GLIS3: variants seen among roughly 807,000 people sequenced by gnomAD.
GLIS3 encodes the protein zinc finger protein GLIS3.
Under a neutral mutation model 78.6 loss-of-function variants are expected in GLIS3, and 53 were observed. The ratio of observed to expected loss-of-function variants is 0.67; its 90% confidence interval spans 0.54 to 0.85. The LOEUF is 0.85. Ranked by LOEUF, GLIS3 falls within the 40% of genes least tolerant of loss-of-function variation. GLIS3 has a pLI of 0.00. For missense variants in GLIS3, 1,703 were observed against 1,231.1 expected (o/e 1.38, Z -5.74); for synonymous variants, 684 against 509.9 (o/e 1.34, Z -4.60).
chr9:4,409,414 A>G, the GLIS3 span, among the ~76,000 whole-genome samples: 1 of 152,118 alleles, frequency 6.6e-6, no homozygotes, highest in South Asian at 2.1e-4. Context: ...ATACTTAGAT[A>G]TATTATCTAA....
At chr9:4,012,765 C>CTTTTTTTTTTTTTTTTTTTTTTTTT (rs71324278) in intron 4 of GLIS3, among the ~76,000 whole-genome samples, 4 of 66,498 alleles carry the variant, frequency 6.0e-5, no homozygotes, top group Admixed American at 2.2e-4. Context: ...TTTTCTTTTT[C>CTTTTTTTTTTTTTTTTTTTTTTTTT]TTTTTTTTTT....
At chr9:4,469,224 C>T in the GLIS3 span, among the ~76,000 whole-genome samples, 1 of 152,098 alleles carries the variant, frequency 6.6e-6, no homozygotes, top group Admixed American at 6.6e-5. Context: ...TTAGACAGAT[C>T]AATGAGACAG....
chr9:3,897,133 A>G (rs1048173528), intron 7 of GLIS3, among the ~76,000 whole-genome samples: 8 of 152,208 alleles, frequency 5.3e-5, no homozygotes, highest in Non-Finnish European at 7.3e-5. Flanking sequence ...TTCCATAGAT[A>G]TGGATAGCAT....
the GLIS3 span, among the ~76,000 whole-genome samples, chr9:4,430,822 T>G: frequency 6.6e-6 from 1 of 152,180 alleles, no homozygotes; most frequent in South Asian, 2.1e-4. Context: ...TTGAGTCACT[T>G]CCAGCATGCC....
intron 2 of GLIS3, among the ~76,000 whole-genome samples, chr9:4,235,871 T>G (rs547286288): frequency 1.3e-5 from 2 of 152,306 alleles, no homozygotes; most frequent in East Asian, 1.9e-4. Context: ...AATCTCACTA[T>G]GCAGAAAGCA....
At chr9:4,408,499 C>T in the GLIS3 span, among the ~76,000 whole-genome samples, 4 of 150,958 alleles carry the variant, frequency 2.6e-5, no homozygotes, top group Non-Finnish European at 4.4e-5. Context: ...GAGGCTGAGG[C>T]GGGCGGATCA....
chr9:4,162,585 T>A (rs7045368), intron 2 of GLIS3, among the ~76,000 whole-genome samples: 5 of 151,914 alleles, frequency 3.3e-5, no homozygotes, highest in Admixed American at 6.5e-5. Context: ...ACTGGCCGGG[T>A]GCGGTGGCTC....
chr9:4,456,186 A>C, the GLIS3 span, among the ~76,000 whole-genome samples: 1 of 152,236 alleles, frequency 6.6e-6, no homozygotes, highest in Non-Finnish European at 1.5e-5. Context: ...AAAGCAATGC[A>C]CAAACTTTAA....
intron 8 of GLIS3, among the ~76,000 whole-genome samples, chr9:3,875,198 C>G (rs1370416671): frequency 6.6e-6 from 1 of 152,142 alleles, no homozygotes; most frequent in Non-Finnish European, 1.5e-5. Flanking sequence ...ATTCAACATG[C>G]CATAGTAAAA....
At chr9:4,085,780 C>G (rs954913009) in intron 4 of GLIS3, among the ~76,000 whole-genome samples, 7 of 152,156 alleles carry the variant, frequency 4.6e-5, no homozygotes, top group East Asian at 3.9e-4. Flanking sequence ...ACCCCACTCT[C>G]TCTCTTGCTC....
In GLIS3 at chr9:4,284,971, T is replaced by A. The variant is rs184220328; in HGVS notation, c.388+1067A>T. Among the ~76,000 whole-genome samples, 8 of 146,810 alleles carry A rather than the reference T, an allele frequency of 5.4e-5. No individual in the cohort carries two copies. In the South Asian group the frequency reaches 6.6e-4, roughly 12 times the overall value. The stretch of plus-strand genomic sequence containing the variant: ...TGTATGTTTAGTGCTATTTTTTTTT[T>A]AAACCTGCCCATTTATACCAATTTA... On this transcript the variant is annotated intron_variant, in intron 2 of 10. Transcript: ENST00000381971.
the GLIS3 span, among the ~76,000 whole-genome samples, chr9:4,390,005 C>T: frequency 6.6e-6 from 1 of 152,176 alleles, no homozygotes; most frequent in Admixed American, 6.5e-5. Flanking sequence ...TCTTTCATTC[C>T]ATCAACACTT....
chr9:4,069,657 T>C (rs2027394), intron 4 of GLIS3, among the ~76,000 whole-genome samples: 50,027 of 151,892 alleles, frequency 0.33, 8,391 homozygotes, highest in East Asian at 0.4. Flanking sequence ...AGAAGTGCCT[T>C]GAAATGAAAG....
At chr9:4,479,792 C>T in the GLIS3 span, among the ~76,000 whole-genome samples, 1 of 151,944 alleles carries the variant, frequency 6.6e-6, no homozygotes, top group Non-Finnish European at 1.5e-5. Context: ...CTTTTTCTAA[C>T]ATACACTCCT....
chr9:4,275,331 T>G (rs1291790786), intron 2 of GLIS3, among the ~76,000 whole-genome samples: 1 of 152,210 alleles, frequency 6.6e-6, no homozygotes, highest in Non-Finnish European at 1.5e-5. Context: ...GTTTGAGTTT[T>G]TAAAAGTATA....
chr9:3,993,280 C>T (rs917033713), intron 4 of GLIS3, among the ~76,000 whole-genome samples: 13 of 152,222 alleles, frequency 8.5e-5, no homozygotes, highest in Admixed American at 2.6e-4. Context: ...CTGACAGTTC[C>T]GAGGGCAGTC....
At chr9:4,481,250 G>A in the GLIS3 span, among the ~76,000 whole-genome samples, 2 of 152,128 alleles carry the variant, frequency 1.3e-5, no homozygotes, top group African/African-American at 4.8e-5. Flanking sequence ...TTGGGAGGCC[G>A]AGGCAGGCGG....
At chr9:4,300,399 TAAAC>T (rs144060491), upstream of GLIS3, among the ~76,000 whole-genome samples, 9,915 of 151,894 alleles carry the variant, frequency 0.065, 1,069 homozygotes, top group African/African-American at 0.23. Flanking sequence ...CATAAAAAAA[TAAAC>T]AAACAACCAA....
At chr9:4,439,358 C>A in the GLIS3 span, among the ~76,000 whole-genome samples, 226 of 152,288 alleles carry the variant, frequency 1.5e-3, 1 homozygote, top group African/African-American at 4.2e-3. Flanking sequence ...AATTTTAGAA[C>A]GTTTTCCTCA....
Sources: gnomAD v4.1 joint callset for allele counts (sites outside exome capture counted in the v4.1 genomes callset) on GRCh38, gnomAD v4.1.1 for gene constraint, MANE v1.5 for transcripts, NCBI Gene and HGNC (gene_info 2026-07-23, HGNC 2026-07-21) for gene names.